The following CDH12 variants were observed in gnomAD, a reference collection of about 807,000 sequenced individuals.
CDH12 encodes cadherin-12.
In CDH12, 41 loss-of-function variants were observed where a neutral mutation model predicts 74.1. The observed-to-expected ratio is 0.55, with a 90% CI of 0.43 to 0.72. The LOEUF (loss-of-function observed/expected upper bound fraction) is 0.72, where lower values mean the gene tolerates loss of function less well. Ranked by LOEUF, CDH12 falls within the 30% of genes least tolerant of loss-of-function variation. The pLI, the probability that CDH12 is intolerant of heterozygous loss-of-function variation, is 0.00. For missense variants in CDH12, 945 were observed against 977.2 expected (o/e 0.97, Z 0.44); for synonymous variants, 399 against 355.0 (o/e 1.12, Z -1.39).
At chr5:22,162,176 A>T (rs1429629802) in intron 4 of CDH12, among the ~76,000 whole-genome samples, 2 of 151,974 alleles carry the variant, frequency 1.3e-5, no homozygotes, top group Non-Finnish European at 2.9e-5. Context: ...AGCAGACTGA[A>T]CGCTGCTTTC....
intron 7 of CDH12, among the ~76,000 whole-genome samples, chr5:21,853,691 T>C (rs149052871): frequency 4.6e-5 from 7 of 151,810 alleles, no homozygotes; most frequent in African/African-American, 1.7e-4. Flanking sequence ...GAAGTATCAA[T>C]TATAAAATGT....
In CDH12 at chr5:22,642,414, T is replaced by C. The variant is rs553887364; in HGVS notation, c.-522-137050A>G. Among the ~76,000 whole-genome samples, 18 of 152,298 alleles carry C rather than the reference T, an allele frequency of 1.2e-4. No homozygotes were observed. In the East Asian group the frequency reaches 3.5e-3, roughly 29 times the overall value. Reference sequence around the variant, plus strand: ...GGTCTGATTGGCTGTGATTCATAAATATTCCCTTCCCCATAACCTTGAGAT... The same window carrying C: ...GGTCTGATTGGCTGTGATTCATAAACATTCCCTTCCCCATAACCTTGAGAT... On this transcript the variant is annotated intron_variant, in intron 1 of 14. Transcript: ENST00000382254.
At chr5:22,181,027 T>C (rs1275348134) in intron 4 of CDH12, among the ~76,000 whole-genome samples, 1 of 152,120 alleles carries the variant, frequency 6.6e-6, no homozygotes, top group Non-Finnish European at 1.5e-5. Flanking sequence ...CCCTTCACAT[T>C]ACTTACAAAA....
chr5:22,549,741 G>A (rs529524352), intron 1 of CDH12, among the ~76,000 whole-genome samples: 9 of 152,276 alleles, frequency 5.9e-5, no homozygotes, highest in Non-Finnish European at 1.0e-4. Context: ...GATCCACTGT[G>A]AGATAATTGA....
chr5:22,795,547 C>A (rs374451003), intron 1 of CDH12, among the ~76,000 whole-genome samples: 1 of 151,204 alleles, frequency 6.6e-6, no homozygotes, highest in Non-Finnish European at 1.5e-5. Flanking sequence ...TATATACATA[C>A]ATATAATATA....
intron 1 of CDH12, among the ~76,000 whole-genome samples, chr5:22,838,845 A>C (rs1736956976): frequency 6.6e-6 from 1 of 151,896 alleles, no homozygotes. Context: ...TGCCAGGCTA[A>C]TTTTTGTATT....
intron 3 of CDH12, among the ~76,000 whole-genome samples, chr5:22,273,149 C>T (rs1275015029): frequency 6.6e-6 from 1 of 152,134 alleles, no homozygotes; most frequent in Non-Finnish European, 1.5e-5. Context: ...GGTGGGGACA[C>T]AGAGTCAGAC....
intron 1 of CDH12, among the ~76,000 whole-genome samples, chr5:22,522,064 T>G (rs1215909285): frequency 3.3e-5 from 5 of 152,220 alleles, no homozygotes; most frequent in Non-Finnish European, 7.3e-5. Context: ...TGATTATTTC[T>G]CATATCAACA....
At chr5:22,123,795 T>C (rs1745664282) in intron 4 of CDH12, among the ~76,000 whole-genome samples, 1 of 152,148 alleles carries the variant, frequency 6.6e-6, no homozygotes, top group South Asian at 2.1e-4. Flanking sequence ...ACATAAATAT[T>C]GAAATGTCTT....
In CDH12 at chr5:22,470,943, A is replaced by G. The variant is rs112080600; in HGVS notation, c.-428+34327T>C. On this transcript the variant is annotated intron_variant, in intron 2 of 14. Coordinates refer to ENST00000382254, the MANE Select transcript of CDH12 (RefSeq NM_004061.5). ...TAAATTTGTGTGGAGAAAAACAATG[A>G]TCATGGTGAATATTCTTATTTTTAA... Among the ~76,000 whole-genome samples, 1,000 of 151,714 alleles carry G rather than the reference A, an allele frequency of 6.6e-3. 5 individuals are homozygous for G. The highest frequency in any genetic ancestry group is 0.012 in the Non-Finnish European group (782 of 67,960).
In CDH12 at chr5:22,771,479, T is replaced by C. The variant is rs375999134; in HGVS notation, c.-523+81579A>G. On this transcript the variant is annotated intron_variant, in intron 1 of 14. Transcript: ENST00000382254. ...CTAGTCCACACTTTGATTTTACAGA[T>C]GAGAAAACTGATAAAGGATGGGGAT... Among the ~76,000 whole-genome samples, 14 of 152,190 alleles carry C rather than the reference T, an allele frequency of 9.2e-5. No individual in the cohort carries two copies. In the East Asian group the frequency reaches 1.9e-3, roughly 21 times the overall value.
intron 1 of CDH12, among the ~76,000 whole-genome samples, chr5:22,820,137 C>G (rs976266001): frequency 1.3e-5 from 2 of 150,710 alleles, no homozygotes; most frequent in African/African-American, 4.9e-5. Flanking sequence ...TAAATTATAT[C>G]CAATGCTTCA....
At chr5:22,025,027 G>C (rs1580129627) in intron 5 of CDH12, among the ~76,000 whole-genome samples, 1 of 151,942 alleles carries the variant, frequency 6.6e-6, no homozygotes, top group Non-Finnish European at 1.5e-5. Flanking sequence ...AAAATCAAAA[G>C]AAACATTACT....
At chr5:22,136,656 G>A (rs1454930847) in intron 4 of CDH12, among the ~76,000 whole-genome samples, 1 of 150,574 alleles carries the variant, frequency 6.6e-6, no homozygotes, top group Non-Finnish European at 1.5e-5. Context: ...CTGTGATTCT[G>A]TTTTATTCAT....
At chr5:22,178,912 T>C (rs1749482961) in intron 4 of CDH12, among the ~76,000 whole-genome samples, 1 of 152,284 alleles carries the variant, frequency 6.6e-6, no homozygotes, top group Non-Finnish European at 1.5e-5. Flanking sequence ...AAAATCTCTT[T>C]AATATTTTAA....
At chr5:22,644,673 A>ACATT (rs1739343345) in intron 1 of CDH12, among the ~76,000 whole-genome samples, 1 of 151,912 alleles carries the variant, frequency 6.6e-6, no homozygotes, top group Non-Finnish European at 1.5e-5. Context: ...ACTAGATGAC[A>ACATT]GATTTTCAAT....
intron 3 of CDH12, among the ~76,000 whole-genome samples, chr5:22,315,667 C>T (rs79804200): frequency 6.6e-6 from 1 of 151,486 alleles, no homozygotes; most frequent in Non-Finnish European, 1.5e-5. Context: ...ATCCTAGCTA[C>T]AAAAAAAATG....
chr5:22,470,714 A>T (rs901399903), intron 2 of CDH12, among the ~76,000 whole-genome samples: 1 of 152,090 alleles, frequency 6.6e-6, no homozygotes, highest in Non-Finnish European at 1.5e-5. Context: ...CACCTTGCCC[A>T]GTCTTCTTTT....
Position 22,806,229 on chromosome 5 carries a change from G to A in CDH12, c.-523+46829C>T, listed in dbSNP as rs1191470456. Among the ~76,000 whole-genome samples, 10 of 152,038 alleles carry A rather than the reference G, an allele frequency of 6.6e-5. No individual in the cohort carries two copies. The South Asian group carries it at 1.7e-3, about 25-fold the overall frequency. ...TCTGGTTCTAGATCCTTGAGGAATCGCCACACTGTCTTCCACAATGGTTGA... is the reference window on the plus strand; with the variant it reads ...TCTGGTTCTAGATCCTTGAGGAATCACCACACTGTCTTCCACAATGGTTGA... On this transcript the variant is annotated intron_variant, in intron 1 of 14. Coordinates refer to ENST00000382254, the MANE Select transcript of CDH12 (RefSeq NM_004061.5).
Sources: gnomAD v4.1 joint callset for allele counts (sites outside exome capture counted in the v4.1 genomes callset) on GRCh38, gnomAD v4.1.1 for gene constraint, MANE v1.5 for transcripts, NCBI Gene and HGNC (gene_info 2026-07-23, HGNC 2026-07-21) for gene names.